Variants in STXBP5L observed in about 807,000 individuals in gnomAD.
STXBP5L encodes the protein syntaxin-binding protein 5-like.
In STXBP5L, 65 loss-of-function variants were observed where a neutral mutation model predicts 144.5. That is an observed-to-expected ratio of 0.45 (90% CI 0.37 to 0.55). STXBP5L has a LOEUF of 0.55. Ranked by LOEUF, STXBP5L falls within the 20% of genes least tolerant of loss-of-function variation. STXBP5L has a pLI of 0.00. For missense variants in STXBP5L, 1,298 were observed against 1,405.5 expected (o/e 0.92, Z 1.22); for synonymous variants, 505 against 469.6 (o/e 1.08, Z -0.97).
At chr3:121,337,729 A>G (rs944614623) in intron 20 of STXBP5L, among the ~76,000 whole-genome samples, 1 of 152,136 alleles carries the variant, frequency 6.6e-6, no homozygotes, top group African/African-American at 2.4e-5. Context: ...TTTACAGGAC[A>G]TTTTACTCAA....
intron 20 of STXBP5L, among the ~76,000 whole-genome samples, chr3:121,345,240 A>G (rs1244732723): frequency 1.3e-5 from 2 of 151,956 alleles, no homozygotes; most frequent in Non-Finnish European, 2.9e-5. Flanking sequence ...GTTCCCACCT[A>G]TGAGTGAGAA....
chr3:121,081,139 T>A (rs2042231260), intron 5 of STXBP5L, among the ~76,000 whole-genome samples: 3 of 152,128 alleles, frequency 2.0e-5, no homozygotes, highest in Admixed American at 2.0e-4. Context: ...CTTGTTCTAG[T>A]CTATTGTTGA....
intron 3 of STXBP5L, among the ~76,000 whole-genome samples, chr3:120,988,569 G>T (rs192780082): frequency 6.6e-6 from 1 of 152,050 alleles, no homozygotes; most frequent in Non-Finnish European, 1.5e-5. Flanking sequence ...GGAGAAACAT[G>T]TATGTTGTTC....
At chr3:121,267,808 G>C (rs2050618518) in intron 18 of STXBP5L, among the ~76,000 whole-genome samples, 1 of 152,148 alleles carries the variant, frequency 6.6e-6, no homozygotes, top group African/African-American at 2.4e-5. Context: ...ATGAAAAAAA[G>C]CTCATCATCA....
rs552424510 is a variant in STXBP5L at position 121,034,328 on chromosome 3, C to A, written c.288-7372C>A. Among the ~76,000 whole-genome samples, 4 of 152,232 alleles carry A rather than the reference C, an allele frequency of 2.6e-5. No individual in the cohort carries two copies. The South Asian group carries it at 8.3e-4, about 32-fold the overall frequency. ...TGAGTGTCCAATGTCTATTATTTCA[C>A]ACTTTATGTCCATGTGGACACGTTA... is the stretch of plus-strand genomic sequence containing the variant. On this transcript the variant is annotated intron_variant, in intron 3 of 26. Transcript: ENST00000471454.
intron 3 of STXBP5L, among the ~76,000 whole-genome samples, chr3:120,992,893 G>A (rs913170570): frequency 6.6e-6 from 1 of 152,014 alleles, no homozygotes; most frequent in Non-Finnish European, 1.5e-5. Context: ...TTTCTGTAAT[G>A]CCTATACTAA....
chr3:121,005,159 T>C (rs893079304), intron 3 of STXBP5L, among the ~76,000 whole-genome samples: 3 of 152,140 alleles, frequency 2.0e-5, no homozygotes, highest in African/African-American at 7.2e-5. Flanking sequence ...TGGTAGAATT[T>C]GGCTGTGAAT....
chr3:121,300,696 T>A (rs1217249976), intron 19 of STXBP5L, among the ~76,000 whole-genome samples: 1 of 152,012 alleles, frequency 6.6e-6, no homozygotes, highest in Non-Finnish European at 1.5e-5. Flanking sequence ...TATTTTATTT[T>A]CTCAAAAGAC....
At chr3:121,126,975 C>CAAAAA (rs1193712614) in intron 7 of STXBP5L, among the ~76,000 whole-genome samples, 106 of 152,276 alleles carry the variant, frequency 7.0e-4, no homozygotes, top group African/African-American at 2.5e-3. Context: ...AAACGTTCTT[C>CAAAAA]ACTTTTATAA....
At chr3:121,295,949 A>G (rs897380875) in intron 19 of STXBP5L, among the ~76,000 whole-genome samples, 2 of 152,208 alleles carry the variant, frequency 1.3e-5, no homozygotes, top group African/African-American at 4.8e-5. Context: ...TTTACAAGTT[A>G]TTACTTAAAG....
intron 9 of STXBP5L, among the ~76,000 whole-genome samples, chr3:121,182,242 C>A (rs544426705): frequency 1.2e-4 from 18 of 152,296 alleles, no homozygotes; most frequent in African/African-American, 4.3e-4. Context: ...GCACGTGGAA[C>A]ATTCTCCAAG....
intron 7 of STXBP5L, among the ~76,000 whole-genome samples, chr3:121,150,505 A>G (rs2045894201): frequency 6.6e-6 from 1 of 152,020 alleles, no homozygotes; most frequent in Admixed American, 6.6e-5. Flanking sequence ...AATCTTGTAT[A>G]CTTATCTCAA....
intron 20 of STXBP5L, among the ~76,000 whole-genome samples, chr3:121,337,217 C>A (rs2044538737): frequency 1.3e-5 from 2 of 151,978 alleles, no homozygotes; most frequent in South Asian, 4.2e-4. Flanking sequence ...ACTTATATAA[C>A]AAATCAGCAC....
intron 2 of STXBP5L, among the ~76,000 whole-genome samples, chr3:120,952,196 A>C (rs12630423): frequency 0.99 from 148,843 of 151,060 alleles, 73,336 homozygotes; most frequent in East Asian, 1. Flanking sequence ...GGGAGATATA[A>C]CTAATGCTAG....
intron 3 of STXBP5L, among the ~76,000 whole-genome samples, chr3:121,031,798 A>T (rs1946387274): frequency 6.6e-6 from 1 of 152,156 alleles, no homozygotes; most frequent in South Asian, 2.1e-4. Flanking sequence ...TGATAGTAGC[A>T]TTAAGAATGG....
chr3:121,230,679 A>T (rs1357980058), intron 11 of STXBP5L, among the ~76,000 whole-genome samples: 1 of 152,110 alleles, frequency 6.6e-6, no homozygotes, highest in Non-Finnish European at 1.5e-5. Context: ...GACAAATACA[A>T]CCAGACTTGT....
At chr3:121,095,104 G>A (rs559551063) in intron 5 of STXBP5L, among the ~76,000 whole-genome samples, 1 of 152,156 alleles carries the variant, frequency 6.6e-6, no homozygotes, top group Non-Finnish European at 1.5e-5. Flanking sequence ...TAAGAATGTT[G>A]AATATTGGCC....
chr3:121,337,463 A>G (rs1186964097), intron 20 of STXBP5L, among the ~76,000 whole-genome samples: 1 of 148,088 alleles, frequency 6.8e-6, no homozygotes, highest in Admixed American at 6.7e-5. Context: ...AAAAAAAGTC[A>G]TTATATAAAG....
intron 5 of STXBP5L, among the ~76,000 whole-genome samples, chr3:121,092,363 G>T (rs957659836): frequency 6.6e-6 from 1 of 152,080 alleles, no homozygotes; most frequent in Non-Finnish European, 1.5e-5. Flanking sequence ...ACCTTGGGCA[G>T]TATGGCCATT....
Sources: gnomAD v4.1 joint callset for allele counts (sites outside exome capture counted in the v4.1 genomes callset) on GRCh38, gnomAD v4.1.1 for gene constraint, MANE v1.5 for transcripts, NCBI Gene and HGNC (gene_info 2026-07-23, HGNC 2026-07-21) for gene names.